Variants in PAPPA2 observed in about 807,000 individuals in gnomAD.
PAPPA2 encodes pappalysin 2, also known as pappalysin-2.
A neutral mutation model predicts 176.4 loss-of-function variants in PAPPA2; 86 were observed. The ratio of observed to expected loss-of-function variants is 0.49; its 90% CI spans 0.41 to 0.58. The LOEUF (loss-of-function observed/expected upper bound fraction) is 0.58, where lower values mean the gene tolerates loss of function less well. Among genes scored for constraint, PAPPA2 ranks in the 20% least tolerant of loss-of-function variants. The probability of loss-of-function intolerance (pLI) is 0.00; values close to 1 mark genes in which losing one functional copy is unlikely to be tolerated. For missense variants in PAPPA2, 2,073 were observed against 2,256.9 expected (o/e 0.92, Z 1.65); for synonymous variants, 809 against 852.2 (o/e 0.95, Z 0.88).
chr1:176,577,022 G>C (rs1652686266), intron 2 of PAPPA2, among the ~76,000 whole-genome samples: 1 of 152,144 alleles, frequency 6.6e-6, no homozygotes, highest in African/African-American at 2.4e-5. Context: ...CTTCCAGATA[G>C]GTGGGGCTGA....
At chr1:176,565,605 G>C (rs555892177) in intron 2 of PAPPA2, among the ~76,000 whole-genome samples, 1 of 152,176 alleles carries the variant, frequency 6.6e-6, no homozygotes, top group Non-Finnish European at 1.5e-5. Flanking sequence ...TGAGGTGGGG[G>C]GATCACCTGA....
At chr1:176,522,541 C>T (rs11801416) in intron 1 of PAPPA2, among the ~76,000 whole-genome samples, 20,768 of 152,242 alleles carry the variant, frequency 0.14, 1,586 homozygotes, top group South Asian at 0.18. Context: ...GAGACAATTA[C>T]GATGTCAGTT....
At chr1:176,483,881 G>A (rs1326937346) in intron 1 of PAPPA2, among the ~76,000 whole-genome samples, 1 of 152,188 alleles carries the variant, frequency 6.6e-6, no homozygotes, top group Non-Finnish European at 1.5e-5. Context: ...AATGGCTCCT[G>A]AGGGGAGGGC....
At chr1:176,839,577 ATC>A (rs1374575660) in intron 21 of PAPPA2, among the ~76,000 whole-genome samples, 2 of 152,164 alleles carry the variant, frequency 1.3e-5, no homozygotes, top group Non-Finnish European at 1.5e-5. Context: ...GACAGACACC[ATC>A]TGAGTCTTCA....
chr1:176,689,173 G>T lies in PAPPA2; in HGVS notation c.2138-964G>T, dbSNP rs1468694768. Among the ~76,000 whole-genome samples the T allele has an allele frequency of 2.6e-5, 4 of 152,276 alleles. No individual in the cohort carries two copies. The East Asian group carries it at 7.7e-4, about 29-fold the overall frequency. Reference sequence around the variant, plus strand: ...TGGGCCTGGCCCTGACAATTTTGGGGTGTAAACAAGGAAAGCTAGGTGGTT... The same window carrying T: ...TGGGCCTGGCCCTGACAATTTTGGGTTGTAAACAAGGAAAGCTAGGTGGTT... On this transcript the variant is annotated intron_variant, in intron 4 of 22. Coordinates refer to ENST00000367662, the MANE Select transcript of PAPPA2 (RefSeq NM_020318.3).
At chr1:176,734,393 AAC>A (rs34765229) in intron 12 of PAPPA2, among the ~76,000 whole-genome samples, 59,668 of 146,840 alleles carry the variant, frequency 0.41, 12,798 homozygotes, top group African/African-American at 0.56. Flanking sequence ...ACCCTTCTGA[AAC>A]ACACACACAC....
At chr1:176,713,365 A>G (rs1307031156) in intron 12 of PAPPA2, among the ~76,000 whole-genome samples, 3 of 151,766 alleles carry the variant, frequency 2.0e-5, no homozygotes, top group African/African-American at 7.3e-5. Flanking sequence ...AAAGGCACCA[A>G]CTCCTGCCAG....
At chr1:176,603,850 A>C (rs1182886370) in intron 3 of PAPPA2, among the ~76,000 whole-genome samples, 1 of 152,186 alleles carries the variant, frequency 6.6e-6, no homozygotes, top group Non-Finnish European at 1.5e-5. Flanking sequence ...CATAGCAATC[A>C]GAGTAATCCT....
intron 4 of PAPPA2, among the ~76,000 whole-genome samples, chr1:176,684,448 A>G (rs114437760): frequency 1.3e-5 from 2 of 152,036 alleles, no homozygotes; most frequent in Non-Finnish European, 2.9e-5. Flanking sequence ...TTGAAAATAT[A>G]TGTGTGCATT....
intron 3 of PAPPA2, among the ~76,000 whole-genome samples, chr1:176,638,939 CGT>C (rs34264749): frequency 0.16 from 22,552 of 142,702 alleles, 1,649 homozygotes; most frequent in South Asian, 0.24. Context: ...TGTGCATGTG[CGT>C]GTGTGTGTGT....
intron 14 of PAPPA2, among the ~76,000 whole-genome samples, chr1:176,757,155 C>T (rs935385683): frequency 3.9e-5 from 6 of 152,076 alleles, no homozygotes; most frequent in Non-Finnish European, 8.8e-5. Context: ...TGAATAGTGC[C>T]GCAATAAACA....
At chr1:176,703,878 C>A (rs1489620460) in intron 9 of PAPPA2, among the ~76,000 whole-genome samples, 1 of 152,214 alleles carries the variant, frequency 6.6e-6, no homozygotes, top group Admixed American at 6.5e-5. Context: ...AATCAGATTT[C>A]TCCCTTGGAT....
intron 14 of PAPPA2, among the ~76,000 whole-genome samples, chr1:176,763,009 A>T (rs892947931): frequency 2.0e-5 from 3 of 152,228 alleles, no homozygotes; most frequent in African/African-American, 7.2e-5. Context: ...CAAGGGCATA[A>T]GAGCAGGGTC....
chr1:176,470,388 A>C (rs1315548540), intron 1 of PAPPA2, among the ~76,000 whole-genome samples: 1 of 152,174 alleles, frequency 6.6e-6, no homozygotes, highest in East Asian at 1.9e-4. Context: ...AGTTGTGTAA[A>C]ACAGTCTCCT....
rs886734376 is a variant in PAPPA2 at position 176,844,821 on chromosome 1, T to A, written c.*2367T>A. On this transcript the variant is annotated 3_prime_UTR_variant, in exon 23 of 23. Transcript: ENST00000367662. ...TTACTCAGCTCAGGAACATGGAGCCTGTGGTTCATGCCAGTGTGTGTCTTC... is the reference window on the plus strand; with the variant it reads ...TTACTCAGCTCAGGAACATGGAGCCAGTGGTTCATGCCAGTGTGTGTCTTC... The A allele has an allele frequency of 3.9e-5, 6 of 152,310 alleles. No homozygotes were observed. The highest frequency in any genetic ancestry group is 1.4e-4 in the African/African-American group (6 of 41,580). The allele number at this position is 152,310 out of a possible 1,614,324, so 9.4% of individuals were successfully genotyped here.
chr1:176,612,160 G>A (rs1654963470), intron 3 of PAPPA2, among the ~76,000 whole-genome samples: 1 of 152,138 alleles, frequency 6.6e-6, no homozygotes, highest in African/African-American at 2.4e-5. Context: ...TTGGGAGGCT[G>A]ATGTAGGCAG....
At chr1:176,677,823 A>G (rs894816851) in intron 4 of PAPPA2, among the ~76,000 whole-genome samples, 6 of 152,316 alleles carry the variant, frequency 3.9e-5, no homozygotes, top group Non-Finnish European at 8.8e-5. Context: ...GATTCATTCA[A>G]AGAAAAACTT....
chr1:176,548,854 G>T (rs547616479), intron 1 of PAPPA2, among the ~76,000 whole-genome samples: 4 of 152,130 alleles, frequency 2.6e-5, no homozygotes, highest in African/African-American at 9.6e-5. Flanking sequence ...TTTCTTGGAG[G>T]CATTGGGCCC....
At position 176,608,442 on chromosome 1, in the gene PAPPA2, T is replaced by A. The variant is rs183154161; in HGVS notation, c.1991+12847T>A. Reference sequence around the variant, plus strand: ...AATATATTATTGGCATGAATTTTTTTATACCATACCATCTTATGAATTTGC... The same window carrying A: ...AATATATTATTGGCATGAATTTTTTAATACCATACCATCTTATGAATTTGC... On this transcript the variant is annotated intron_variant, in intron 3 of 22. Coordinates refer to ENST00000367662, the MANE Select transcript of PAPPA2 (RefSeq NM_020318.3). Among the ~76,000 whole-genome samples, 67 of 152,366 alleles carry A rather than the reference T, an allele frequency of 4.4e-4. 1 individual carries two copies. The Middle Eastern group carries it at 0.01, about 23-fold the overall frequency.
Sources: gnomAD v4.1 joint callset for allele counts (sites outside exome capture counted in the v4.1 genomes callset) on GRCh38, gnomAD v4.1.1 for gene constraint, MANE v1.5 for transcripts, NCBI Gene and HGNC (gene_info 2026-07-23, HGNC 2026-07-21) for gene names.